Variants in BMP6 observed in about 807,000 individuals in gnomAD.
BMP6 encodes bone morphogenetic protein 6, also known as VG-1-R.
In BMP6, 17 loss-of-function variants were observed where a neutral mutation model predicts 54.1. That is an observed-to-expected ratio of 0.31 (90% confidence interval 0.22 to 0.47). The LOEUF is 0.47. Among genes scored for constraint, BMP6 ranks in the 20% least tolerant of loss-of-function variants. The pLI, the probability that BMP6 is intolerant of heterozygous loss-of-function variation, is 1.00. For missense variants in BMP6, 720 were observed against 690.4 expected (o/e 1.04, Z -0.48); for synonymous variants, 328 against 291.2 (o/e 1.13, Z -1.28).
chr6:7,868,484 G>A (rs1270329146), intron 4 of BMP6, among the ~76,000 whole-genome samples: 3 of 152,210 alleles, frequency 2.0e-5, no homozygotes, highest in African/African-American at 7.2e-5. Flanking sequence ...GGCTTGTTTT[G>A]GATAAGATGG....
At chr6:7,806,953 G>A (rs184785943) in intron 1 of BMP6, among the ~76,000 whole-genome samples, 1 of 152,156 alleles carries the variant, frequency 6.6e-6, no homozygotes, top group Middle Eastern at 3.2e-3. Context: ...TCATACCATC[G>A]AAATGAAAGT....
intron 1 of BMP6, among the ~76,000 whole-genome samples, chr6:7,841,409 T>C (rs1277002307): frequency 6.6e-6 from 1 of 152,256 alleles, no homozygotes; most frequent in Non-Finnish European, 1.5e-5. Flanking sequence ...TTGACTCATA[T>C]AGCTTGAATT....
intron 4 of BMP6, among the ~76,000 whole-genome samples, chr6:7,871,594 A>G (rs371981957): frequency 2.4e-3 from 365 of 152,346 alleles, no homozygotes; most frequent in African/African-American, 8.2e-3. Context: ...TTGAGGGGGA[A>G]AATTGCCTCT....
intron 1 of BMP6, among the ~76,000 whole-genome samples, chr6:7,809,185 T>C (rs904842244): frequency 3.4e-5 from 5 of 147,892 alleles, no homozygotes; most frequent in Non-Finnish European, 7.4e-5. Context: ...TTAAAAACTT[T>C]GGGCTGGAGT....
chr6:7,809,114 C>T (rs1483488758), intron 1 of BMP6, among the ~76,000 whole-genome samples: 1 of 148,058 alleles, frequency 6.8e-6, no homozygotes, highest in Non-Finnish European at 1.5e-5. Context: ...CCCCACCCCC[C>T]CCCAAAAAAA....
At chr6:7,747,082 G>A (rs1254620903) in intron 1 of BMP6, among the ~76,000 whole-genome samples, 4 of 152,144 alleles carry the variant, frequency 2.6e-5, no homozygotes, top group African/African-American at 9.7e-5. Context: ...TTTATTTACC[G>A]AGGACAATCC....
intron 1 of BMP6, among the ~76,000 whole-genome samples, chr6:7,797,748 T>A (rs1273328964): frequency 6.6e-6 from 1 of 152,150 alleles, no homozygotes; most frequent in Non-Finnish European, 1.5e-5. Flanking sequence ...GACCTTGACT[T>A]TATTAATAAC....
chr6:7,855,057 C>T (rs572751205), intron 2 of BMP6, among the ~76,000 whole-genome samples: 5 of 152,206 alleles, frequency 3.3e-5, no homozygotes, highest in Non-Finnish European at 7.3e-5. Flanking sequence ...GTTTATTAGC[C>T]TAATTCGATG....
At chr6:7,732,765 G>A (rs1363703918) in intron 1 of BMP6, among the ~76,000 whole-genome samples, 1 of 152,114 alleles carries the variant, frequency 6.6e-6, no homozygotes, top group Non-Finnish European at 1.5e-5. Context: ...TATTTACGAA[G>A]GTGAGTTAGA....
At chr6:7,864,034 C>G (rs1463058196) in intron 4 of BMP6, among the ~76,000 whole-genome samples, 1 of 151,826 alleles carries the variant, frequency 6.6e-6, no homozygotes, top group Non-Finnish European at 1.5e-5. Flanking sequence ...AAAAGTTCTC[C>G]CCAGTGTGTT....
rs538897108 is a variant in BMP6, at chr6:7,733,301, T to C, written c.664+5682T>C. ...ATTTTTCTTCCTCTTCTGTTCAGAA[T>C]TTTAGTCATTTTGCCATCTTTGGTG... On this transcript the variant is annotated intron_variant, in intron 1 of 6. Transcript: ENST00000283147. Among the ~76,000 whole-genome samples, 9 of 152,354 alleles carry C rather than the reference T, an allele frequency of 5.9e-5. No homozygotes were observed. The South Asian group carries it at 1.9e-3, about 32-fold the overall frequency.
chr6:7,745,893 A>G (rs1457499960), intron 1 of BMP6, among the ~76,000 whole-genome samples: 1 of 152,054 alleles, frequency 6.6e-6, no homozygotes, highest in Non-Finnish European at 1.5e-5. Flanking sequence ...ACTTGAACCC[A>G]GGAGGCGGAG....
intron 1 of BMP6, among the ~76,000 whole-genome samples, chr6:7,830,815 ACC>A (rs1758782227): frequency 6.6e-6 from 1 of 151,600 alleles, no homozygotes; most frequent in Non-Finnish European, 1.5e-5. Flanking sequence ...GGGAAAACCC[ACC>A]CCCACGATTC....
intron 1 of BMP6, among the ~76,000 whole-genome samples, chr6:7,791,307 C>T (rs946401035): frequency 6.6e-6 from 1 of 152,176 alleles, no homozygotes; most frequent in Middle Eastern, 3.2e-3. Context: ...CTCTGAGTCC[C>T]TCCTCTGTGT....
At chr6:7,846,360 G>A (rs1469748166) in intron 2 of BMP6, among the ~76,000 whole-genome samples, 1 of 152,146 alleles carries the variant, frequency 6.6e-6, no homozygotes, top group South Asian at 2.1e-4. Flanking sequence ...AATGACTTTG[G>A]TTTTTCCTGA....
intron 1 of BMP6, among the ~76,000 whole-genome samples, chr6:7,740,826 A>G (rs1581228192): frequency 6.6e-6 from 1 of 152,026 alleles, no homozygotes; most frequent in East Asian, 1.9e-4. Context: ...CATCTTTTCC[A>G]TCTATCCCTA....
Position 7,824,761 on chromosome 6 carries a change from T to C in BMP6, c.665-20379T>C, listed in dbSNP as rs563570699. 5.3e-5 allele frequency among the ~76,000 whole-genome samples: 8 copies of C among 152,376 alleles called. No individual in the cohort carries two copies. In the East Asian group the frequency reaches 5.8e-4, roughly 11 times the overall value. On this transcript the variant is annotated intron_variant, in intron 1 of 6. Coordinates refer to ENST00000283147, the MANE Select transcript of BMP6 (RefSeq NM_001718.6). Reference sequence around the variant, plus strand: ...GTGATTTGTGGTTGAATATTGAGTGTTGGTATTTTCTAGAACCTTACATTC... The same window carrying C: ...GTGATTTGTGGTTGAATATTGAGTGCTGGTATTTTCTAGAACCTTACATTC...
chr6:7,818,698 C>T (rs1428955538), intron 1 of BMP6, among the ~76,000 whole-genome samples: 1 of 152,230 alleles, frequency 6.6e-6, no homozygotes, highest in African/African-American at 2.4e-5. Context: ...AGCCTGAGGT[C>T]CTGGAGCCTT....
At chr6:7,845,370 C>T (rs758832994) in intron 2 of BMP6, 38 bp downstream of exon 2, 2 of 1,556,660 alleles carry the variant, frequency 1.3e-6, no homozygotes, top group Non-Finnish European at 1.7e-6. Flanking sequence ...GTGGGGCTGG[C>T]CCCTGTTTCC....
Sources: gnomAD v4.1 joint callset for allele counts (sites outside exome capture counted in the v4.1 genomes callset) on GRCh38, gnomAD v4.1.1 for gene constraint, MANE v1.5 for transcripts, NCBI Gene and HGNC (gene_info 2026-07-23, HGNC 2026-07-21) for gene names.